Variants in TMEM132D observed in about 807,000 individuals in gnomAD.
TMEM132D encodes the protein mature OL transmembrane protein.
TMEM132D carries 21 observed loss-of-function variants against 62.3 expected under a neutral mutation model. The observed-to-expected ratio is 0.34, with a 90% confidence interval of 0.24 to 0.49. The LOEUF (loss-of-function observed/expected upper bound fraction) is 0.49, where lower values mean the gene tolerates loss of function less well. Among genes scored for constraint, TMEM132D ranks in the 20% least tolerant of loss-of-function variants. The pLI is 0.99. For missense variants in TMEM132D, 1,346 were observed against 1,402.8 expected, an observed-to-expected ratio of 0.96 and a Z score of 0.65; for synonymous variants, 621 against 575.6, an observed-to-expected ratio of 1.08 and a Z score of -1.13.
chr12:129,696,057 A>G (rs951547308), intron 2 of TMEM132D, among the ~76,000 whole-genome samples: 2 of 152,222 alleles, frequency 1.3e-5, no homozygotes, highest in Non-Finnish European at 2.9e-5. Context: ...CAAAGGTTAC[A>G]TCATTCAAGT....
At chr12:129,748,549 A>T (rs2137265352) in intron 1 of TMEM132D, among the ~76,000 whole-genome samples, 1 of 152,304 alleles carries the variant, frequency 6.6e-6, no homozygotes, top group South Asian at 2.1e-4. Context: ...ATACAAGTTC[A>T]TCTTGAGTTT....
chr12:129,182,421 C>T (rs955228963), intron 5 of TMEM132D, among the ~76,000 whole-genome samples: 4 of 152,204 alleles, frequency 2.6e-5, no homozygotes, highest in African/African-American at 9.7e-5. Context: ...CACCCTGCAA[C>T]CAGAACATAG....
chr12:129,680,156 G>T (rs1331837349), intron 2 of TMEM132D, among the ~76,000 whole-genome samples: 1 of 152,158 alleles, frequency 6.6e-6, no homozygotes, highest in East Asian at 1.9e-4. Context: ...TGCTGAGAAG[G>T]GGAATGGAAA....
rs533753692 is a variant in TMEM132D at position 129,858,748 on chromosome 12, T to A, written c.79+44513A>T. 2.2e-3 allele frequency among the ~76,000 whole-genome samples: 134 copies of A among 60,902 alleles called. 3 individuals are homozygous for A. The highest frequency in any genetic ancestry group is 3.2e-3 in the African/African-American group (33 of 10,426). The allele number at this position is 60,902 out of a possible 152,430, so 40.0% of individuals were successfully genotyped here. On this transcript the variant is annotated intron_variant, in intron 1 of 8. Transcript: ENST00000422113. ...GTCCGGGGAAACGGGATGGGTGCCC[T>A]TGTAACGGAGTCCGGGGAAACGGGA...
chr12:129,187,935 A>G (rs1283044191), intron 5 of TMEM132D, among the ~76,000 whole-genome samples: 1 of 152,216 alleles, frequency 6.6e-6, no homozygotes, highest in Non-Finnish European at 1.5e-5. Context: ...TACACCAACT[A>G]CTTTTACAAT....
chr12:129,524,912 A>AG, intron 3 of TMEM132D, among the ~76,000 whole-genome samples: 1 of 117,638 alleles, frequency 8.5e-6, no homozygotes, highest in South Asian at 2.7e-4. Context: ...TTATTTTCAT[A>AG]TTTTTTTCTT....
At chr12:129,106,280 G>A (rs905677228) in intron 5 of TMEM132D, among the ~76,000 whole-genome samples, 1 of 127,726 alleles carries the variant, frequency 7.8e-6, no homozygotes, top group Admixed American at 8.7e-5. Flanking sequence ...GAGGGCGGAG[G>A]GGGGAGGGAT....
At chr12:129,433,378 G>GT (rs1319155320) in intron 3 of TMEM132D, among the ~76,000 whole-genome samples, 5 of 152,154 alleles carry the variant, frequency 3.3e-5, no homozygotes, top group Non-Finnish European at 7.3e-5. Context: ...TAGAAGCAGT[G>GT]TATGAAGGTT....
chr12:129,298,540 G>A (rs1186666322), intron 4 of TMEM132D, among the ~76,000 whole-genome samples: 1 of 152,120 alleles, frequency 6.6e-6, no homozygotes, highest in African/African-American at 2.4e-5. Context: ...CCACCATGCA[G>A]TAAAACACCA....
At chr12:129,232,164 G>A (rs560086671) in intron 4 of TMEM132D, among the ~76,000 whole-genome samples, 5 of 152,114 alleles carry the variant, frequency 3.3e-5, no homozygotes, top group Admixed American at 6.6e-5. Context: ...ATCTTCCCAC[G>A]ATATTCTAAT....
intron 1 of TMEM132D, among the ~76,000 whole-genome samples, chr12:129,877,613 G>T (rs75492546): frequency 6.9e-6 from 1 of 144,308 alleles, no homozygotes; most frequent in African/African-American, 2.6e-5. Flanking sequence ...GCGCGCGCGC[G>T]CACACACACA....
chr12:129,273,242 T>C (rs906727531), intron 4 of TMEM132D, among the ~76,000 whole-genome samples: 17 of 151,568 alleles, frequency 1.1e-4, no homozygotes, highest in African/African-American at 3.9e-4. Context: ...AAAAGAATAA[T>C]AGACGCTGGT....
At chr12:129,687,476 G>C (rs1038321852) in intron 2 of TMEM132D, among the ~76,000 whole-genome samples, 1 of 152,060 alleles carries the variant, frequency 6.6e-6, no homozygotes, top group Non-Finnish European at 1.5e-5. Context: ...CATTGGTGCT[G>C]ATCTTGGTGG....
chr12:129,269,301 T>C lies in TMEM132D; in HGVS notation c.1300-59638A>G, dbSNP rs190571772. Among the ~76,000 whole-genome samples the C allele has an allele frequency of 3.1e-4, 47 of 152,286 alleles. No homozygotes were observed. The East Asian group carries it at 7.5e-3, about 24-fold the overall frequency. On this transcript the variant is annotated intron_variant, in intron 4 of 8. Transcript: ENST00000422113. ...CAGGCCACCCAGTCTAAGTTGGTCCTTTCTATCCCATTACCTGATGGTATT... is the reference window on the plus strand; with the variant it reads ...CAGGCCACCCAGTCTAAGTTGGTCCCTTCTATCCCATTACCTGATGGTATT...
At chr12:129,692,825 C>A (rs1420198127) in intron 2 of TMEM132D, among the ~76,000 whole-genome samples, 1 of 151,814 alleles carries the variant, frequency 6.6e-6, no homozygotes, top group Non-Finnish European at 1.5e-5. Context: ...GAGAGCGGAA[C>A]AACATTCACT....
intron 5 of TMEM132D, among the ~76,000 whole-genome samples, chr12:129,150,800 C>T (rs1048520084): frequency 6.6e-6 from 1 of 152,244 alleles, no homozygotes; most frequent in Non-Finnish European, 1.5e-5. Context: ...CTTCTCTTCT[C>T]ACTGTCCCCG....
chr12:129,879,620 GA>G (rs1874533129), intron 1 of TMEM132D, among the ~76,000 whole-genome samples: 1 of 152,120 alleles, frequency 6.6e-6, no homozygotes, highest in African/African-American at 2.4e-5. Flanking sequence ...GGACAACTCT[GA>G]AACACCTAGG....
intron 1 of TMEM132D, among the ~76,000 whole-genome samples, chr12:129,890,334 G>A (rs1054992586): frequency 5.3e-5 from 8 of 152,076 alleles, no homozygotes; most frequent in East Asian, 3.9e-4. Context: ...GGTTATTTAC[G>A]GGTAGTCCTG....
At chr12:129,205,709 A>G (rs1413937518) in intron 5 of TMEM132D, among the ~76,000 whole-genome samples, 1 of 152,162 alleles carries the variant, frequency 6.6e-6, no homozygotes, top group Non-Finnish European at 1.5e-5. Context: ...ACAATAGAAT[A>G]TACATTCTTC....
Sources: allele counts gnomAD v4.1 joint callset (sites outside exome capture counted in the v4.1 genomes callset), GRCh38; gene constraint gnomAD v4.1.1; transcripts MANE v1.5; gene names NCBI Gene and HGNC (gene_info 2026-07-23, HGNC 2026-07-21).